The following TANC2 variants were observed in gnomAD, a reference collection of about 807,000 sequenced individuals.
The protein encoded by TANC2 is protein TANC2.
A neutral mutation model predicts 210.5 loss-of-function variants in TANC2; 26 were observed. That is an observed-to-expected ratio of 0.12 (90% CI 0.09 to 0.17). TANC2 has a LOEUF of 0.17. Among genes scored for constraint, TANC2 ranks in the 10% least tolerant of loss-of-function variants. The pLI is 1.00. For missense variants in TANC2, 2,129 were observed against 2,608.9 expected, an observed-to-expected ratio of 0.82 and a Z score of 4.01; for synonymous variants, 931 against 967.1, an observed-to-expected ratio of 0.96 and a Z score of 0.69.
chr17:63,220,972 T>G (rs1186177939), intron 7 of TANC2, among the ~76,000 whole-genome samples: 1 of 151,710 alleles, frequency 6.6e-6, no homozygotes, highest in South Asian at 2.1e-4. Context: ...GACTTAAACC[T>G]AAGAGCTAAA....
At chr17:63,308,844 A>G (rs988613540) in intron 9 of TANC2, among the ~76,000 whole-genome samples, 3 of 152,122 alleles carry the variant, frequency 2.0e-5, no homozygotes, top group Admixed American at 1.3e-4. Flanking sequence ...TTCATTTTGC[A>G]GCTTTTTAAA....
At chr17:63,001,009 G>T (rs1219892420) in intron 1 of TANC2, among the ~76,000 whole-genome samples, 2 of 146,602 alleles carry the variant, frequency 1.4e-5, no homozygotes, top group Non-Finnish European at 3.0e-5. Context: ...TCAAGAAGTA[G>T]CCATCACTAT....
intron 18 of TANC2, 85 bp from the exon 19 acceptor site, chr17:63,398,736 C>A: frequency 1.2e-6 from 1 of 869,400 alleles, no homozygotes; most frequent in Non-Finnish European, 1.8e-6. Context: ...CTTGGATCAT[C>A]CAAGCATCTT....
chr17:62,973,552 T>G (rs2031832337), intron 1 of TANC2, among the ~76,000 whole-genome samples: 1 of 152,152 alleles, frequency 6.6e-6, no homozygotes, highest in South Asian at 2.1e-4. Flanking sequence ...CACCAGGAGG[T>G]AGGTTTAGAG....
intron 20 of TANC2, 136 bp downstream of exon 20, chr17:63,405,391 G>T: frequency 1.1e-6 from 1 of 942,320 alleles, no homozygotes; most frequent in East Asian, 2.7e-5. Flanking sequence ...TTGGACCTTT[G>T]TTATGAGTAT....
At chr17:63,259,419 T>G (rs1420736533) in intron 8 of TANC2, among the ~76,000 whole-genome samples, 1 of 152,180 alleles carries the variant, frequency 6.6e-6, no homozygotes, top group Non-Finnish European at 1.5e-5. Context: ...TTGGGTCTTA[T>G]GAAGGTGCTT....
At chr17:63,327,306 C>CT (rs1228180258) in intron 11 of TANC2, among the ~76,000 whole-genome samples, 1 of 152,188 alleles carries the variant, frequency 6.6e-6, no homozygotes, top group African/African-American at 2.4e-5. Flanking sequence ...TTATGGAAAA[C>CT]AGCATGGAGG....
intron 5 of TANC2, among the ~76,000 whole-genome samples, chr17:63,176,217 A>G (rs1297526701): frequency 6.6e-6 from 1 of 152,210 alleles, no homozygotes; most frequent in Non-Finnish European, 1.5e-5. Flanking sequence ...AAATTAAAAT[A>G]TATGTCCACT....
At chr17:63,086,918 A>G (rs2144765179) in intron 3 of TANC2, among the ~76,000 whole-genome samples, 1 of 150,392 alleles carries the variant, frequency 6.6e-6, no homozygotes, top group South Asian at 2.1e-4. Flanking sequence ...ACTCTGTAAA[A>G]TGGACCAATC....
At chr17:63,135,832 A>G (rs911074067) in intron 4 of TANC2, among the ~76,000 whole-genome samples, 2 of 152,132 alleles carry the variant, frequency 1.3e-5, no homozygotes, top group Non-Finnish European at 2.9e-5. Flanking sequence ...TCCTTTTTAT[A>G]TTGTCAAAAA....
intron 8 of TANC2, among the ~76,000 whole-genome samples, chr17:63,241,813 C>T (rs2042781980): frequency 6.6e-6 from 1 of 152,134 alleles, no homozygotes; most frequent in South Asian, 2.1e-4. Flanking sequence ...TTACATAGAG[C>T]ATCAGAAATG....
At chr17:63,365,262 G>A (rs1275806707) in intron 14 of TANC2, among the ~76,000 whole-genome samples, 1 of 147,170 alleles carries the variant, frequency 6.8e-6, no homozygotes, top group Non-Finnish European at 1.5e-5. Flanking sequence ...AACACTAATA[G>A]CGTTCCATCC....
chr17:63,304,447 T>C (rs1230840651), intron 9 of TANC2, among the ~76,000 whole-genome samples: 29 of 152,128 alleles, frequency 1.9e-4, no homozygotes, highest in Admixed American at 1.9e-3. Flanking sequence ...CAAAGATGGG[T>C]GCTTGCTCCT....
rs151170793 is a variant in TANC2 at position 63,298,275 on chromosome 17, A to G, written c.1160-16113A>G. Among the ~76,000 whole-genome samples, 913 of 152,348 alleles carry G rather than the reference A, an allele frequency of 6.0e-3. 5 individuals are homozygous for G. The highest frequency in any genetic ancestry group is 9.2e-3 in the Non-Finnish European group (623 of 68,024). On this transcript the variant is annotated intron_variant, in intron 9 of 27. Coordinates refer to ENST00000689528, the Ensembl canonical transcript of TANC2. Reference sequence around the variant, plus strand: ...GAATATACACAGCACCACTATTTGTAGTAGCCAAAGGTAGAAACAATCCAA... The same window carrying G: ...GAATATACACAGCACCACTATTTGTGGTAGCCAAAGGTAGAAACAATCCAA...
At chr17:63,015,093 T>C (rs1038697046) in intron 2 of TANC2, among the ~76,000 whole-genome samples, 11 of 151,672 alleles carry the variant, frequency 7.3e-5, no homozygotes, top group Non-Finnish European at 1.3e-4. Context: ...AATTGATGGC[T>C]CATGGCTTAT....
intron 5 of TANC2, among the ~76,000 whole-genome samples, chr17:63,159,062 G>A (rs936554973): frequency 1.3e-5 from 2 of 152,154 alleles, no homozygotes; most frequent in African/African-American, 4.8e-5. Flanking sequence ...CAAGCAAGAG[G>A]TAGAAAGGGT....
chr17:63,376,074 G>A (rs1004902170), intron 14 of TANC2, among the ~76,000 whole-genome samples: 14 of 151,976 alleles, frequency 9.2e-5, no homozygotes, highest in East Asian at 1.9e-4. Context: ...GTGACAGAGC[G>A]AGACTTCATC....
Position 63,267,961 on chromosome 17 carries a change from A to G in TANC2, c.1159+88A>G, listed in dbSNP as rs1215930607. 8 of 1,419,406 alleles carry G rather than the reference A, an allele frequency of 5.6e-6. No individual in the cohort carries two copies. In the African/African-American group the frequency reaches 1.1e-4, roughly 20 times the overall value. The allele number at this position is 1,419,406 out of a possible 1,614,324, so 87.9% of individuals were successfully genotyped here. On this transcript the variant is annotated intron_variant, in intron 9 of 27. Coordinates refer to ENST00000689528, the Ensembl canonical transcript of TANC2. ...AAGTTGCTTTGTCTCCTATTCCCAT[A>G]CTTACTTAAACCTCCCTAAGAAGTG...
At chr17:63,411,966 G>C in intron 22 of TANC2, 32 bp from the exon 23 acceptor site, 1 of 1,613,040 alleles carries the variant, frequency 6.2e-7, no homozygotes, top group East Asian at 2.2e-5. Context: ...CATTACGCCT[G>C]TCCTAACTTC....
Sources: allele counts gnomAD v4.1 joint callset (sites outside exome capture counted in the v4.1 genomes callset), GRCh38; gene constraint gnomAD v4.1.1; transcripts MANE v1.5; gene names NCBI Gene and HGNC (gene_info 2026-07-23, HGNC 2026-07-21).